Variants in PTPRM observed in about 807,000 individuals in gnomAD.
PTPRM encodes protein tyrosine phosphatase receptor type M, also known as receptor-type tyrosine-protein phosphatase mu.
In PTPRM, 47 loss-of-function variants were observed where a neutral mutation model predicts 186.7. The ratio of observed to expected loss-of-function variants is 0.25; its 90% confidence interval spans 0.20 to 0.32. The LOEUF (loss-of-function observed/expected upper bound fraction) is 0.32, where lower values mean the gene tolerates loss of function less well. Ranked by LOEUF, PTPRM falls within the 10% of genes least tolerant of loss-of-function variation. The probability of loss-of-function intolerance (pLI) is 1.00; values close to 1 mark genes in which losing one functional copy is unlikely to be tolerated. For synonymous variants in PTPRM, 668 were observed against 674.9 expected (o/e 0.99, Z 0.16); for missense variants, 1,494 against 1,865.0 (o/e 0.80, Z 3.66).
intron 12 of PTPRM, 97 bp from the exon 13 acceptor site, chr18:8,114,694 C>G (rs1218537782): frequency 1.0e-6 from 1 of 958,512 alleles, no homozygotes; most frequent in African/African-American, 1.7e-5. Flanking sequence ...CAGTGAGATC[C>G]TTCCTTATCA....
At chr18:7,903,841 C>T (rs1044526499) in intron 3 of PTPRM, among the ~76,000 whole-genome samples, 2 of 152,178 alleles carry the variant, frequency 1.3e-5, no homozygotes, top group African/African-American at 4.8e-5. Context: ...ATTGCTTTCT[C>T]CAGTTTCACA....
At chr18:8,050,462 G>A (rs1265863971) in intron 7 of PTPRM, among the ~76,000 whole-genome samples, 1 of 151,512 alleles carries the variant, frequency 6.6e-6, no homozygotes, top group Non-Finnish European at 1.5e-5. Flanking sequence ...ATTGAACTCT[G>A]ATTAGTGAAT....
At chr18:7,766,647 AG>A (rs2042028337) in intron 1 of PTPRM, among the ~76,000 whole-genome samples, 1 of 152,166 alleles carries the variant, frequency 6.6e-6, no homozygotes, top group Non-Finnish European at 1.5e-5. Context: ...GGAGCCAGGC[AG>A]GGGGGCGACC....
intron 2 of PTPRM, among the ~76,000 whole-genome samples, chr18:7,839,092 C>T (rs555541460): frequency 6.6e-6 from 1 of 152,284 alleles, no homozygotes; most frequent in South Asian, 2.1e-4. Context: ...GTATGCTCCC[C>T]TCTGGCACAG....
chr18:8,298,734 G>A (rs12326322), intron 20 of PTPRM, among the ~76,000 whole-genome samples: 5,865 of 152,202 alleles, frequency 0.039, 164 homozygotes, highest in East Asian at 0.069. Flanking sequence ...AGAGTTTCAC[G>A]GTTAATAAGG....
At chr18:7,798,972 G>C (rs1805769858) in intron 2 of PTPRM, among the ~76,000 whole-genome samples, 1 of 152,162 alleles carries the variant, frequency 6.6e-6, no homozygotes, top group African/African-American at 2.4e-5. Context: ...GTTGTATGCT[G>C]TGTTTTGATA....
intron 14 of PTPRM, among the ~76,000 whole-genome samples, chr18:8,201,307 C>G (rs1190628915): frequency 6.6e-6 from 1 of 152,212 alleles, no homozygotes; most frequent in Non-Finnish European, 1.5e-5. Context: ...CAGAGCAAGA[C>G]TCCGTCTCCA....
chr18:8,317,370 G>A (rs2095316335), intron 21 of PTPRM, among the ~76,000 whole-genome samples: 1 of 152,062 alleles, frequency 6.6e-6, no homozygotes, highest in Non-Finnish European at 1.5e-5. Flanking sequence ...GAGGAAATGA[G>A]GAGTTCAGTC....
intron 19 of PTPRM, among the ~76,000 whole-genome samples, chr18:8,274,700 G>A (rs1474050596): frequency 6.6e-6 from 1 of 152,060 alleles, no homozygotes; most frequent in Non-Finnish European, 1.5e-5. Flanking sequence ...AGAGCCTTAG[G>A]GACACAGCCC....
At chr18:7,779,039 G>T (rs1174134911) in intron 2 of PTPRM, among the ~76,000 whole-genome samples, 4 of 152,100 alleles carry the variant, frequency 2.6e-5, no homozygotes, top group Non-Finnish European at 5.9e-5. Flanking sequence ...ATACTTAGTA[G>T]ATTCTATGTG....
rs138540610 is a variant in PTPRM, at chr18:8,308,768, C to G, written c.2843-6013C>G. 3.7e-3 allele frequency among the ~76,000 whole-genome samples: 556 copies of G among 152,120 alleles called. 4 individuals carry two copies. Among genetic ancestry groups the G allele is most frequent in the Middle Eastern group, 0.014 (4 of 294 alleles). On this transcript the variant is annotated intron_variant, in intron 20 of 32. Coordinates refer to ENST00000580170, the MANE Select transcript of PTPRM (RefSeq NM_001105244.2). Reference sequence around the variant, plus strand: ...GTATGTAACATATATCTCTGTTATCCAGTATTGTACCTACTAACTACACAT... The same window carrying G: ...GTATGTAACATATATCTCTGTTATCGAGTATTGTACCTACTAACTACACAT...
intron 7 of PTPRM, among the ~76,000 whole-genome samples, chr18:8,043,702 C>G (rs1316067289): frequency 6.6e-6 from 1 of 152,058 alleles, no homozygotes; most frequent in African/African-American, 2.4e-5. Flanking sequence ...ATAAACAAAG[C>G]TGGACACTAG....
intron 2 of PTPRM, among the ~76,000 whole-genome samples, chr18:7,778,396 A>G (rs1287985023): frequency 6.6e-6 from 1 of 152,110 alleles, no homozygotes; most frequent in Non-Finnish European, 1.5e-5. Context: ...CTCTGTTATC[A>G]GTGAGTGAGT....
chr18:8,264,618 A>G (rs181411828), intron 19 of PTPRM, among the ~76,000 whole-genome samples: 8 of 152,042 alleles, frequency 5.3e-5, no homozygotes, highest in African/African-American at 1.9e-4. Context: ...AAATACAAAA[A>G]ATTAGCTGGG....
chr18:7,984,980 CATATAATTATATACATATAATTGT>C (rs2082816949), intron 7 of PTPRM, among the ~76,000 whole-genome samples: 1 of 113,406 alleles, frequency 8.8e-6, no homozygotes, highest in Admixed American at 1.0e-4. Flanking sequence ...ATTATATATA[CATATAATTATATACATATAATTGT>C]ATATACATAT....
intron 7 of PTPRM, among the ~76,000 whole-genome samples, chr18:7,966,253 T>G (rs1306576971): frequency 6.6e-6 from 1 of 152,118 alleles, no homozygotes; most frequent in Non-Finnish European, 1.5e-5. Context: ...ATAGAAAAGA[T>G]AATAGAGCTG....
At chr18:8,352,244 C>T (rs1652261608) in intron 23 of PTPRM, among the ~76,000 whole-genome samples, 2 of 152,160 alleles carry the variant, frequency 1.3e-5, no homozygotes, top group South Asian at 2.1e-4. Flanking sequence ...TAGGTCTTCT[C>T]GGAGCACGTG....
Position 8,289,551 on chromosome 18 carries a change from CATATATAT to C in PTPRM, c.2755-6815_2755-6808del, listed in dbSNP as rs1176230629. On this transcript the variant is annotated intron_variant, in intron 19 of 32. Coordinates refer to ENST00000580170, the MANE Select transcript of PTPRM (RefSeq NM_001105244.2). Reference sequence around the variant, plus strand: ...ATATATATACACATATATATATATACATATATATACACATATATATATATACATATATA... The same window carrying C: ...ATATATATACACATATATATATATACACACATATATATATATACATATATA... Among the ~76,000 whole-genome samples the C allele has an allele frequency of 7.1e-4, 55 of 77,692 alleles. 1 individual carries two copies. The highest frequency in any genetic ancestry group is 9.4e-4 in the Non-Finnish European group (41 of 43,794). 51.0% of individuals were successfully genotyped at this position (77,692 alleles called of 152,430 possible).
intron 14 of PTPRM, among the ~76,000 whole-genome samples, chr18:8,165,306 G>T (rs140503311): frequency 0.011 from 1,621 of 152,226 alleles, 15 homozygotes; most frequent in Non-Finnish European, 0.016. Context: ...AGTGGTACTT[G>T]TACACTTGGC....
Sources: allele counts gnomAD v4.1 joint callset (sites outside exome capture counted in the v4.1 genomes callset), GRCh38; gene constraint gnomAD v4.1.1; transcripts MANE v1.5; gene names NCBI Gene and HGNC (gene_info 2026-07-23, HGNC 2026-07-21).